Variants in MYRIP observed in about 807,000 individuals in gnomAD.
MYRIP encodes myosin VIIA and Rab interacting protein, also known as rab effector MyRIP.
Under a neutral mutation model 98.0 loss-of-function variants are expected in MYRIP, and 49 were observed. That is an observed-to-expected ratio of 0.50 (90% CI 0.40 to 0.63). The LOEUF (loss-of-function observed/expected upper bound fraction) is 0.63, where lower values mean the gene tolerates loss of function less well. MYRIP is among the 30% of genes least tolerant of loss of function. The probability of loss-of-function intolerance (pLI) is 0.00; values close to 1 mark genes in which losing one functional copy is unlikely to be tolerated. For synonymous variants in MYRIP, 404 were observed against 409.5 expected, an observed-to-expected ratio of 0.99 and a Z score of 0.16; for missense variants, 1,004 against 1,058.2, an observed-to-expected ratio of 0.95 and a Z score of 0.71.
chr3:40,010,467 G>A (rs1706297090), intron 2 of MYRIP, among the ~76,000 whole-genome samples: 1 of 152,142 alleles, frequency 6.6e-6, no homozygotes, highest in Non-Finnish European at 1.5e-5. Flanking sequence ...CTACAGGCCT[G>A]TGAAATGAGA....
chr3:39,881,204 G>A (rs1202616534), intron 1 of MYRIP, among the ~76,000 whole-genome samples: 1 of 151,042 alleles, frequency 6.6e-6, no homozygotes, highest in African/African-American at 2.4e-5. Flanking sequence ...TCAACTCTGA[G>A]CATTACACCC....
intron 2 of MYRIP, among the ~76,000 whole-genome samples, chr3:39,953,922 C>T (rs142442664): frequency 2.0e-4 from 31 of 152,232 alleles, no homozygotes; most frequent in East Asian, 3.9e-4. Flanking sequence ...CTAGCACAGC[C>T]GTCTGAGATT....
At chr3:40,040,982 AAAAAAAAAAAAG>A (rs1226025649) in intron 2 of MYRIP, among the ~76,000 whole-genome samples, 2 of 12,628 alleles carry the variant, frequency 1.6e-4, no homozygotes, top group African/African-American at 1.9e-4. Context: ...AGAGTATAAT[AAAAAAAAAAAAG>A]AAAAAAAAAA....
chr3:39,924,520 G>A (rs1944374009), intron 2 of MYRIP, among the ~76,000 whole-genome samples: 1 of 151,968 alleles, frequency 6.6e-6, no homozygotes, highest in South Asian at 2.1e-4. Context: ...AAATAGACAA[G>A]CCAACAGTTA....
chr3:40,057,079 G>C (rs1193958031), intron 3 of MYRIP, among the ~76,000 whole-genome samples: 1 of 152,042 alleles, frequency 6.6e-6, no homozygotes, highest in Non-Finnish European at 1.5e-5. Context: ...CTAAAGAAGA[G>C]CCCTTTAGCA....
chr3:40,061,090 CTTTTA>C (rs1400244942), intron 3 of MYRIP, among the ~76,000 whole-genome samples: 1 of 152,126 alleles, frequency 6.6e-6, no homozygotes, highest in African/African-American at 2.4e-5. Flanking sequence ...TCATTTTTAA[CTTTTA>C]TTTTAGGTTC....
Position 39,846,460 on chromosome 3 carries a change from C to T in MYRIP, c.-31+36544C>T, listed in dbSNP as rs1214884993. Among the ~76,000 whole-genome samples the T allele has an allele frequency of 3.3e-5, 5 of 152,100 alleles. No homozygotes were observed. The East Asian group carries it at 9.6e-4, about 29-fold the overall frequency. On this transcript the variant is annotated intron_variant, in intron 1 of 16. Coordinates refer to ENST00000302541, the MANE Select transcript of MYRIP (RefSeq NM_015460.4). ...CAGCAGTATCCCCTGGATCATCTTC[C>T]CAGATGTGCATTTCATTTCCTTCCC...
chr3:40,090,929 G>A (rs1029407744), intron 3 of MYRIP, among the ~76,000 whole-genome samples: 3 of 152,200 alleles, frequency 2.0e-5, no homozygotes, highest in Non-Finnish European at 4.4e-5. Context: ...AGAAGCAGAG[G>A]ATGCCGTTTC....
chr3:39,935,150 G>A (rs1944629866), intron 2 of MYRIP, among the ~76,000 whole-genome samples: 1 of 152,128 alleles, frequency 6.6e-6, no homozygotes, highest in South Asian at 2.1e-4. Context: ...GTGTAAACAC[G>A]GACTGCACTA....
At chr3:39,829,649 G>C (rs1303351290) in intron 1 of MYRIP, among the ~76,000 whole-genome samples, 1 of 152,104 alleles carries the variant, frequency 6.6e-6, no homozygotes, top group East Asian at 1.9e-4. Context: ...GCTCAATGGG[G>C]TTGGGGCCAT....
At chr3:40,154,797 A>T (rs1950187802) in intron 4 of MYRIP, among the ~76,000 whole-genome samples, 1 of 152,158 alleles carries the variant, frequency 6.6e-6, no homozygotes, top group South Asian at 2.1e-4. Context: ...CAGAGAACAC[A>T]ATATGACATT....
chr3:39,988,501 T>C (rs887407426), intron 2 of MYRIP, among the ~76,000 whole-genome samples: 2 of 152,090 alleles, frequency 1.3e-5, no homozygotes, highest in African/African-American at 4.8e-5. Flanking sequence ...GGGTTGGTCT[T>C]CTCATGGAAT....
Position 39,993,830 on chromosome 3 carries a change from A to G in MYRIP, c.111-50220A>G, listed in dbSNP as rs183429507. Among the ~76,000 whole-genome samples, 10 of 152,326 alleles carry G rather than the reference A, an allele frequency of 6.6e-5. No individual in the cohort carries two copies. The East Asian group carries it at 1.9e-3, about 29-fold the overall frequency. On this transcript the variant is annotated intron_variant, in intron 2 of 16. Coordinates refer to ENST00000302541, the MANE Select transcript of MYRIP (RefSeq NM_015460.4). ...TTTCAGGGTCTGAGAGGGAGGGATA[A>G]GACTTTAACTGTGACCTATTCCTTC...
At position 39,911,206 on chromosome 3, in the gene MYRIP, G is replaced by A. The variant is rs77328126; in HGVS notation, c.110+10280G>A. On this transcript the variant is annotated intron_variant, in intron 2 of 16. Transcript: ENST00000302541. ...AAATTTATATCACATCTTTGGCGCCGTAAAGTTATCAGACATTCACCTGTG... is the reference window on the plus strand; with the variant it reads ...AAATTTATATCACATCTTTGGCGCCATAAAGTTATCAGACATTCACCTGTG... Among the ~76,000 whole-genome samples the A allele has an allele frequency of 6.6e-3, 1,000 of 152,276 alleles. 12 individuals are homozygous for A. The highest frequency in any genetic ancestry group is 0.023 in the African/African-American group (939 of 41,538).
chr3:40,175,534 G>A (rs1384116612), intron 8 of MYRIP, among the ~76,000 whole-genome samples: 3 of 152,146 alleles, frequency 2.0e-5, no homozygotes, highest in Non-Finnish European at 4.4e-5. Context: ...ACTCCCATTG[G>A]GTGTGGTTCC....
chr3:40,251,892 G>A lies in MYRIP; in HGVS notation c.2440G>A (p.Glu814Lys). ...TTATTTCCTTTTAGCTGAAAAAATT[G>A]AGACATCTTCAGTGACTACCATTAA... ...PAPPVKAEKI[E>K]TSSVTTIKTF... is the part of the protein sequence containing the mutation. Residue 814 changes from glutamate (E) to lysine (K), a missense_variant, in exon 16 of 17, where the codon GAG (glutamate) becomes AAG (lysine). By Grantham distance (56) the Glu-to-Lys change is moderately conservative. This residue lies in a region of MYRIP where 108 missense variants were observed against 111.1 expected (regional missense o/e 0.97). Transcript: ENST00000302541. 1 of 1,609,558 alleles carries A rather than the reference G, an allele frequency of 6.2e-7. No individual in the cohort carries two copies.
At chr3:39,876,312 C>G (rs1942993541) in intron 1 of MYRIP, among the ~76,000 whole-genome samples, 1 of 152,128 alleles carries the variant, frequency 6.6e-6, no homozygotes, top group Non-Finnish European at 1.5e-5. Flanking sequence ...CAGTCTGTGT[C>G]TTTTAATTGG....
chr3:40,240,887 G>A lies in MYRIP; in HGVS notation c.2101-3559G>A, dbSNP rs77847090. Among the ~76,000 whole-genome samples the A allele has an allele frequency of 8.8e-3, 1,343 of 152,262 alleles. 23 individuals carry two copies. Among genetic ancestry groups the A allele is most frequent in the African/African-American group, 0.03 (1,264 of 41,536 alleles). On this transcript the variant is annotated intron_variant, in intron 12 of 16. Coordinates refer to ENST00000302541, the MANE Select transcript of MYRIP (RefSeq NM_015460.4). ...GGCTGTTAACTCAGGTGTGGGCAAG[G>A]TTAAGGGATGCTGAGGGTGGAACAG...
At chr3:39,905,387 T>C (rs1943853835) in intron 2 of MYRIP, among the ~76,000 whole-genome samples, 2 of 152,298 alleles carry the variant, frequency 1.3e-5, no homozygotes, top group Non-Finnish European at 2.9e-5. Context: ...TGCTCTGAAA[T>C]TGGGGACTTA....
Sources: allele counts gnomAD v4.1 joint callset (sites outside exome capture counted in the v4.1 genomes callset), GRCh38; gene constraint gnomAD v4.1.1; regional missense constraint gnomAD v4.1.1; transcripts MANE v1.5; gene names NCBI Gene and HGNC (gene_info 2026-07-23, HGNC 2026-07-21).